The following PCLO variants were observed in gnomAD, a reference collection of about 807,000 sequenced individuals.
PCLO encodes piccolo presynaptic cytomatrix protein.
PCLO carries 82 observed loss-of-function variants against 427.5 expected under a neutral mutation model. That is an observed-to-expected ratio of 0.19 (90% confidence interval 0.16 to 0.23). The LOEUF (loss-of-function observed/expected upper bound fraction) is 0.23. Among genes scored for constraint, PCLO ranks in the 10% least tolerant of loss-of-function variants. The pLI, the probability that PCLO is intolerant of heterozygous loss-of-function variation, is 1.00. For synonymous variants in PCLO, 2,357 were observed against 2,155.4 expected (o/e 1.09, Z -2.59); for missense variants, 6,239 against 6,115.9 (o/e 1.02, Z -0.67).
At chr7:82,978,566 T>C (rs1465083727) in intron 3 of PCLO, among the ~76,000 whole-genome samples, 2 of 152,080 alleles carry the variant, frequency 1.3e-5, no homozygotes, top group Non-Finnish European at 2.9e-5. Context: ...AAAGTAATTA[T>C]ATAGGAACTA....
intron 3 of PCLO, among the ~76,000 whole-genome samples, chr7:82,969,649 CAA>C (rs1795857666): frequency 6.6e-6 from 1 of 151,990 alleles, no homozygotes; most frequent in Admixed American, 6.6e-5. Flanking sequence ...CAAATAATGA[CAA>C]AATAATTCAT....
intron 6 of PCLO, among the ~76,000 whole-genome samples, chr7:82,944,285 A>C (rs1490517726): frequency 6.6e-6 from 1 of 152,010 alleles, no homozygotes; most frequent in Non-Finnish European, 1.5e-5. Context: ...GCAAAATTGA[A>C]AATTATTTGA....
chr7:83,125,998 T>C (rs760694466), intron 3 of PCLO, among the ~76,000 whole-genome samples: 8 of 152,152 alleles, frequency 5.3e-5, no homozygotes, highest in Non-Finnish European at 8.8e-5. Context: ...AACAGATGAA[T>C]GGATAAAGAA....
At chr7:83,037,989 T>TTATATATATATATATATATACA (rs1788838388) in intron 3 of PCLO, among the ~76,000 whole-genome samples, 2 of 13,586 alleles carry the variant, frequency 1.5e-4, no homozygotes, top group South Asian at 4.1e-3. Flanking sequence ...AAGGAGGAGC[T>TTATATATATATATATATATACA]TATATATATA....
At chr7:83,008,723 A>C (rs913118043) in intron 3 of PCLO, among the ~76,000 whole-genome samples, 4 of 151,780 alleles carry the variant, frequency 2.6e-5, no homozygotes, top group African/African-American at 9.7e-5. Context: ...CAGATAGTAC[A>C]GCTAGTATTA....
intron 16 of PCLO, among the ~76,000 whole-genome samples, chr7:82,832,040 CCCTTT>C (rs1792106306): frequency 6.6e-6 from 1 of 152,134 alleles, no homozygotes; most frequent in Admixed American, 6.6e-5. Flanking sequence ...AGTTCATCCT[CCCTTT>C]CCTTTCTTGT....
intron 1 of PCLO, among the ~76,000 whole-genome samples, chr7:83,161,729 C>T (rs1390234129): frequency 6.6e-6 from 1 of 152,184 alleles, no homozygotes; most frequent in Non-Finnish European, 1.5e-5. Context: ...AATATATGTA[C>T]AGCACCTGCT....
At chr7:82,788,519 C>A (rs1791032804) in intron 22 of PCLO, among the ~76,000 whole-genome samples, 1 of 151,856 alleles carries the variant, frequency 6.6e-6, no homozygotes, top group Non-Finnish European at 1.5e-5. Context: ...ATTGTAATTT[C>A]TTTTGATTAA....
At chr7:83,107,527 T>C (rs1790887910) in intron 3 of PCLO, among the ~76,000 whole-genome samples, 1 of 151,974 alleles carries the variant, frequency 6.6e-6, no homozygotes, top group Non-Finnish European at 1.5e-5. Context: ...AATTTTGAGT[T>C]GGTATTTTGA....
intron 9 of PCLO, among the ~76,000 whole-genome samples, chr7:82,900,302 C>T (rs1206299127): frequency 1.3e-5 from 2 of 151,632 alleles, no homozygotes; most frequent in Non-Finnish European, 3.0e-5. Context: ...ATAGCAATTA[C>T]ACTAAAGAAA....
Position 82,956,260 on chromosome 7 carries a change from C to A in PCLO, c.4693G>T (p.Ala1565Ser). The A allele has an allele frequency of 6.2e-7, 1 of 1,612,108 alleles. No individual in the cohort carries two copies. The highest frequency in any genetic ancestry group is 8.5e-7 in the Non-Finnish European group (1 of 1,179,854). The change falls in exon 5 of 25, where the codon GCT becomes TCT. Residue 1565 changes from alanine (A) to serine (S), a missense_variant. By Grantham distance (99) the Ala-to-Ser change is moderately conservative. Transcript: ENST00000333891. Reference sequence around the variant, plus strand: ...TCAGAACCTGAAGCATCTTCATCAGCACTCATTTCTATGATTTGTTTTCGA... The same window carrying A: ...TCAGAACCTGAAGCATCTTCATCAGAACTCATTTCTATGATTTGTTTTCGA... ...FIRKQIIEMSADEDASGSEDD... is the reference protein window; with the variant it reads ...FIRKQIIEMSSDEDASGSEDD...
In PCLO at chr7:82,914,731, C is replaced by T. The variant is rs555002741; in HGVS notation, c.13255G>A (p.Ala4419Thr). The T allele has an allele frequency of 2.5e-6, 4 of 1,613,156 alleles. No homozygotes were observed. The highest frequency in any genetic ancestry group is 1.3e-5 in the African/African-American group (1 of 74,996). Residue 4419 changes from alanine to threonine, a missense_variant, in exon 7 of 25, where the codon GCA (alanine) becomes ACA (threonine). Ala to Thr is a moderately conservative substitution (Grantham distance 58). This residue lies in a region of PCLO where 877 missense variants were observed against 925.5 expected (regional missense o/e 0.95). Coordinates refer to ENST00000333891, the MANE Select transcript of PCLO (RefSeq NM_033026.6). ...TGTTGGAAGTCATCCATGATGAATGCTATGTCACGGTCATAGCCTCGAGTC... is the reference window on the plus strand; with the variant it reads ...TGTTGGAAGTCATCCATGATGAATGTTATGTCACGGTCATAGCCTCGAGTC... ...SRTRGYDRDI[A>T]FIMDDFQHAM...
At chr7:83,047,718 T>C (rs1013474645) in intron 3 of PCLO, among the ~76,000 whole-genome samples, 3 of 152,028 alleles carry the variant, frequency 2.0e-5, no homozygotes, top group East Asian at 1.9e-4. Context: ...CAAAAATCCT[T>C]TGAAGAAATA....
In PCLO at chr7:82,955,545, G is replaced by A; in HGVS notation, c.5408C>T (p.Ser1803Phe). The A allele has an allele frequency of 3.7e-6, 6 of 1,613,816 alleles. No homozygotes were observed. The highest frequency in any genetic ancestry group is 5.1e-6 in the Non-Finnish European group (6 of 1,179,850). Reference sequence around the variant, plus strand: ...TTTGTCTTTCTTTGATTTTTTACTAGAACTCTTTCTTTGTTGCTGTTCTAT... The same window carrying A: ...TTTGTCTTTCTTTGATTTTTTACTAAAACTCTTTCTTTGTTGCTGTTCTAT... ...REIEQQQRKS[S>F]SKKSKKDKDE... is the part of the protein sequence containing the mutation. The change falls in exon 5 of 25, where the codon TCT (serine) becomes TTT (phenylalanine). Residue 1803 changes from serine to phenylalanine, a missense_variant. Coordinates refer to ENST00000333891, the MANE Select transcript of PCLO (RefSeq NM_033026.6).
intron 22 of PCLO, among the ~76,000 whole-genome samples, chr7:82,798,509 T>G (rs1791275402): frequency 6.6e-6 from 1 of 152,160 alleles, no homozygotes; most frequent in African/African-American, 2.4e-5. Context: ...CAACACAAAG[T>G]TGATTCCATA....
At chr7:82,923,390 G>GA (rs1480013708) in intron 6 of PCLO, among the ~76,000 whole-genome samples, 5 of 151,040 alleles carry the variant, frequency 3.3e-5, no homozygotes, top group Admixed American at 6.6e-5. Context: ...AGCAAATACA[G>GA]AAAAAAAAAG....
At chr7:82,851,179 T>C (rs1429444339) in intron 10 of PCLO, among the ~76,000 whole-genome samples, 1 of 151,978 alleles carries the variant, frequency 6.6e-6, no homozygotes, top group Non-Finnish European at 1.5e-5. Context: ...AAATTAAGCA[T>C]ATGCATACTC....
chr7:83,097,216 C>A (rs1211499457), intron 3 of PCLO, among the ~76,000 whole-genome samples: 1 of 129,074 alleles, frequency 7.7e-6, no homozygotes, highest in Non-Finnish European at 1.6e-5. Flanking sequence ...TTATATAAAT[C>A]TTTTTTATTA....
chr7:82,769,227 C>G (rs1790595476), intron 22 of PCLO, among the ~76,000 whole-genome samples: 1 of 152,068 alleles, frequency 6.6e-6, no homozygotes, highest in Non-Finnish European at 1.5e-5. Context: ...ACATACTGGA[C>G]TTTAGAAAGA....
Sources: allele counts gnomAD v4.1 joint callset (sites outside exome capture counted in the v4.1 genomes callset), GRCh38; gene constraint gnomAD v4.1.1; regional missense constraint gnomAD v4.1.1; transcripts MANE v1.5; gene names NCBI Gene and HGNC (gene_info 2026-07-23, HGNC 2026-07-21).